The following QPCT variants were observed in gnomAD, a reference collection of about 807,000 sequenced individuals.
QPCT encodes EC.
Under a neutral mutation model 43.4 loss-of-function variants are expected in QPCT, and 44 were observed. The observed-to-expected ratio is 1.01, with a 90% CI of 0.80 to 1.30. QPCT has a LOEUF of 1.30. Ranked by LOEUF, QPCT falls within the 50% of genes most tolerant of loss-of-function variation. The pLI, the probability that QPCT is intolerant of heterozygous loss-of-function variation, is 0.00. For synonymous variants in QPCT, 168 were observed against 168.4 expected, an observed-to-expected ratio of 1.00 and a Z score of 0.02; for missense variants, 526 against 436.5, an observed-to-expected ratio of 1.21 and a Z score of -1.83.
intron 1 of QPCT, among the ~76,000 whole-genome samples, chr2:37,352,255 A>C (rs1042558298): frequency 3.9e-5 from 6 of 152,128 alleles, no homozygotes. Context: ...TGGCTCATCT[A>C]TAAAGTCTTC....
At position 37,359,765 on chromosome 2, in the gene QPCT, C is replaced by T. The variant is rs377537760; in HGVS notation, c.453C>T (p.Asn151=). The part of the protein sequence containing the change: ...YDSKYFSHWN[N]RVFVGATDSA... The stretch of plus-strand genomic sequence containing the variant: ...CCAAGTATTTTTCCCACTGGAACAA[C>T]AGAGTGTTTGTAGGAGCCACTGATT... The change falls in exon 3 of 7, where the codon AAC becomes AAT. Residue 151 remains asparagine, a synonymous_variant. Coordinates refer to ENST00000338415, the MANE Select transcript of QPCT (RefSeq NM_012413.4). 1 of 1,614,150 alleles carries T rather than the reference C, an allele frequency of 6.2e-7. No homozygotes were observed. Among genetic ancestry groups the T allele is most frequent in the South Asian group, 1.1e-5 (1 of 91,088 alleles).
At chr2:37,367,448 T>C in intron 4 of QPCT, 40 bp downstream of exon 4, 1 of 1,578,160 alleles carries the variant, frequency 6.3e-7, no homozygotes, top group Non-Finnish European at 8.6e-7. Flanking sequence ...AGCTGTAGGC[T>C]CCGCTTCCAA....
chr2:37,369,178 G>C (rs1243605545), intron 4 of QPCT, among the ~76,000 whole-genome samples: 1 of 152,148 alleles, frequency 6.6e-6, no homozygotes, highest in Non-Finnish European at 1.5e-5. Flanking sequence ...TGATACACAA[G>C]GAAATGGAGA....
Position 37,367,259 on chromosome 2 carries a change from T to C in QPCT, c.574T>C (p.Ser192Pro). The C allele has an allele frequency of 1.9e-6, 3 of 1,613,980 alleles. No individual in the cohort carries two copies. Among genetic ancestry groups the C allele is most frequent in the Non-Finnish European group, 2.5e-6 (3 of 1,179,910 alleles). Reference sequence around the variant, plus strand: ...TGTTTCAGACTCCAAGCCAGATTTGTCACTCCAGCTGATCTTCTTTGATGG... The same window carrying C: ...TGTTTCAGACTCCAAGCCAGATTTGCCACTCCAGCTGATCTTCTTTGATGG... ...KTVSDSKPDLSLQLIFFDGEE... is the reference protein window; with the variant it reads ...KTVSDSKPDLPLQLIFFDGEE... The change falls in exon 4 of 7, where the codon TCA (serine) becomes CCA (proline). Residue 192 changes from serine (S) to proline (P), a missense_variant. Coordinates refer to ENST00000338415, the MANE Select transcript of QPCT (RefSeq NM_012413.4).
At chr2:37,355,056 G>A (rs1187063965) in intron 2 of QPCT, among the ~76,000 whole-genome samples, 6 of 152,194 alleles carry the variant, frequency 3.9e-5, no homozygotes, top group African/African-American at 1.2e-4. Flanking sequence ...TGAAGTTTCA[G>A]TAACATTCTC....
chr2:37,346,308 G>A (rs1672488372), intron 1 of QPCT, among the ~76,000 whole-genome samples: 2 of 152,206 alleles, frequency 1.3e-5, no homozygotes, highest in African/African-American at 4.8e-5. Flanking sequence ...AACTTCCCAT[G>A]GGGGCCCATG....
chr2:37,345,907 T>G (rs189819921), intron 1 of QPCT, among the ~76,000 whole-genome samples: 2 of 152,122 alleles, frequency 1.3e-5, no homozygotes, highest in South Asian at 4.2e-4. Flanking sequence ...CCTTTTCTTG[T>G]GTAACAGTTT....
chr2:37,349,100 T>C (rs2124931307), intron 1 of QPCT, among the ~76,000 whole-genome samples: 1 of 152,346 alleles, frequency 6.6e-6, no homozygotes, highest in East Asian at 1.9e-4. Context: ...ATAGAAGGCT[T>C]AAGTAGTTGA....
intron 2 of QPCT, among the ~76,000 whole-genome samples, chr2:37,353,636 C>T (rs1353633268): frequency 6.6e-6 from 1 of 152,132 alleles, no homozygotes; most frequent in Non-Finnish European, 1.5e-5. Flanking sequence ...GTAGAACAAG[C>T]TGGGCCAGAC....
At chr2:37,366,750 G>C (rs192311348) in intron 3 of QPCT, among the ~76,000 whole-genome samples, 4 of 152,360 alleles carry the variant, frequency 2.6e-5, no homozygotes. Flanking sequence ...AACGGCCTCA[G>C]CCAACCCCTG....
At chr2:37,348,062 G>C (rs80074744) in intron 1 of QPCT, among the ~76,000 whole-genome samples, 1 of 108,234 alleles carries the variant, frequency 9.2e-6, no homozygotes, top group Non-Finnish European at 1.9e-5. Context: ...GCGCGCGCAC[G>C]CGTGTGTGTG....
chr2:37,345,332 A>G (rs1172237341), intron 1 of QPCT, among the ~76,000 whole-genome samples: 1 of 152,188 alleles, frequency 6.6e-6, no homozygotes, highest in East Asian at 1.9e-4. Flanking sequence ...CTACAGTCTC[A>G]GGACGGATGT....
chr2:37,361,250 C>T (rs1672852739), intron 3 of QPCT, among the ~76,000 whole-genome samples: 1 of 152,130 alleles, frequency 6.6e-6, no homozygotes, highest in Non-Finnish European at 1.5e-5. Flanking sequence ...AAGTTAAGTT[C>T]TTCAGCTGTC....
At chr2:37,370,763 T>C (rs1478124368) in intron 5 of QPCT, among the ~76,000 whole-genome samples, 1 of 152,086 alleles carries the variant, frequency 6.6e-6, no homozygotes, top group African/African-American at 2.4e-5. Context: ...GAGGGGAGCT[T>C]GGGGCTTGGA....
At chr2:37,363,732 G>A (rs1672901617) in intron 3 of QPCT, among the ~76,000 whole-genome samples, 1 of 150,006 alleles carries the variant, frequency 6.7e-6, no homozygotes, top group Non-Finnish European at 1.5e-5. Context: ...AGGAAATAGA[G>A]CAGAAAATGA....
chr2:37,356,845 A>G (rs1672759577), intron 2 of QPCT, among the ~76,000 whole-genome samples: 2 of 152,036 alleles, frequency 1.3e-5, no homozygotes, highest in African/African-American at 4.8e-5. Context: ...GTCTCTACCA[A>G]AAATACAAAA....
Position 37,367,236 on chromosome 2 carries a change from T to C in QPCT, c.551T>C (p.Val184Ala), listed in dbSNP as rs1672980920. 1 of 1,612,720 alleles carries C rather than the reference T, an allele frequency of 6.2e-7. No individual in the cohort carries two copies. The highest frequency in any genetic ancestry group is 8.5e-7 in the Non-Finnish European group (1 of 1,179,364). ...TTTTATTGTTGTTTTTACCAGACTGTTTCAGACTCCAAGCCAGATTTGTCA... is the reference window on the plus strand; with the variant it reads ...TTTTATTGTTGTTTTTACCAGACTGCTTCAGACTCCAAGCCAGATTTGTCA... Reference protein sequence around the residue: ...LDKKLLSLKTVSDSKPDLSLQ... With the variant: ...LDKKLLSLKTASDSKPDLSLQ... The change falls in exon 4 of 7, where the codon GTT becomes GCT. Residue 184 changes from valine to alanine, a missense_variant. Transcript: ENST00000338415.
At chr2:37,367,650 T>C (rs534674121) in intron 4 of QPCT, among the ~76,000 whole-genome samples, 6 of 152,140 alleles carry the variant, frequency 3.9e-5, no homozygotes, top group Admixed American at 2.6e-4. Context: ...GGTGGGAGGA[T>C]CACTTGAGCC....
rs141197545 is a variant in QPCT at position 37,369,276 on chromosome 2, T to C, written c.724-409T>C. Among the ~76,000 whole-genome samples, 168 of 152,334 alleles carry C rather than the reference T, an allele frequency of 1.1e-3. 1 individual carries two copies. Among genetic ancestry groups the C allele is most frequent in the Non-Finnish European group, 1.3e-3 (91 of 68,032 alleles). ...ATAAATAGTTACTGTCCAAGTGCCT[T>C]CCTTTGAGAGTTTTATCATTACAGA... On this transcript the variant is annotated intron_variant, in intron 4 of 6. Transcript: ENST00000338415.
Sources: gnomAD v4.1 joint callset for allele counts (sites outside exome capture counted in the v4.1 genomes callset) on GRCh38, gnomAD v4.1.1 for gene constraint, MANE v1.5 for transcripts, NCBI Gene and HGNC (gene_info 2026-07-23, HGNC 2026-07-21) for gene names.